DPH6: variants seen among roughly 807,000 people sequenced by gnomAD.
DPH6 encodes diphthine--ammonia ligase.
DPH6 carries 33 observed loss-of-function variants against 38.2 expected under a neutral mutation model. The observed-to-expected ratio is 0.86, with a 90% CI of 0.65 to 1.15. DPH6 has a LOEUF of 1.15. Ranked by LOEUF, DPH6 falls within the 50% of genes most tolerant of loss-of-function variation. The probability of loss-of-function intolerance (pLI) is 0.00; values close to 1 mark genes in which losing one functional copy is unlikely to be tolerated. For synonymous variants in DPH6, 108 were observed against 103.0 expected (o/e 1.05, Z -0.30); for missense variants, 325 against 320.0 (o/e 1.02, Z -0.12).
chr15:35,372,673 A>C (rs2052728712), intron 8 of DPH6, among the ~76,000 whole-genome samples: 1 of 151,884 alleles, frequency 6.6e-6, no homozygotes, highest in Non-Finnish European at 1.5e-5. Context: ...ACTGGCACCT[A>C]TAATTATCCT....
intron 3 of DPH6, among the ~76,000 whole-genome samples, chr15:35,487,655 G>A (rs573592750): frequency 1.3e-5 from 2 of 152,312 alleles, no homozygotes; most frequent in East Asian, 3.9e-4. Flanking sequence ...TGTGATGGGA[G>A]GGGCTGCTGT....
At chr15:35,223,562 T>G (rs2051457111) in intron 3 of DPH6, among the ~76,000 whole-genome samples, 1 of 152,054 alleles carries the variant, frequency 6.6e-6, no homozygotes, top group Non-Finnish European at 1.5e-5. Flanking sequence ...GGTGGACGCC[T>G]GTAGTCCCAG....
intron 3 of DPH6, among the ~76,000 whole-genome samples, chr15:35,486,714 C>A (rs1253698121): frequency 6.6e-6 from 1 of 152,038 alleles, no homozygotes; most frequent in East Asian, 1.9e-4. Context: ...ATGTCCTTCT[C>A]ACATTTCAAA....
intron 5 of DPH6, among the ~76,000 whole-genome samples, chr15:35,433,955 T>G (rs1339214906): frequency 1.3e-5 from 2 of 152,192 alleles, no homozygotes; most frequent in Non-Finnish European, 2.9e-5. Flanking sequence ...GAGGTAGAGA[T>G]ATCTTTATGT....
intron 3 of DPH6, chr15:35,365,694 T>G (rs762610393): frequency 6.2e-6 from 5 of 801,560 alleles, no homozygotes; most frequent in Non-Finnish European, 7.6e-6. Context: ...CCCAGTTTGA[T>G]TCCCAACACA....
intron 3 of DPH6, among the ~76,000 whole-genome samples, chr15:35,274,011 G>C (rs1381799709): frequency 6.6e-6 from 1 of 152,132 alleles, no homozygotes; most frequent in Non-Finnish European, 1.5e-5. Flanking sequence ...TATACTATAA[G>C]GCTTCAGTAA....
the DPH6 span, among the ~76,000 whole-genome samples, chr15:35,153,081 T>C: frequency 2.6e-5 from 4 of 152,202 alleles, no homozygotes; most frequent in Non-Finnish European, 5.9e-5. Flanking sequence ...AAGATTAATA[T>C]TTTATGATGT....
At chr15:35,418,715 T>C (rs2053466472) in intron 5 of DPH6, among the ~76,000 whole-genome samples, 1 of 152,092 alleles carries the variant, frequency 6.6e-6, no homozygotes, top group Non-Finnish European at 1.5e-5. Flanking sequence ...AACCCTACAA[T>C]GTTATGCTCC....
chr15:35,308,090 G>A (rs2052108479), intron 3 of DPH6, among the ~76,000 whole-genome samples: 1 of 152,058 alleles, frequency 6.6e-6, no homozygotes, highest in East Asian at 1.9e-4. Context: ...TGGGCAACAT[G>A]GTGAAACCTC....
At chr15:35,311,356 A>C (rs1156355727) in intron 3 of DPH6, among the ~76,000 whole-genome samples, 1 of 152,194 alleles carries the variant, frequency 6.6e-6, no homozygotes, top group Non-Finnish European at 1.5e-5. Context: ...CTACATCTCC[A>C]CAAGTGGTTA....
At chr15:35,464,547 G>C (rs1328112794) in intron 3 of DPH6, among the ~76,000 whole-genome samples, 2 of 151,990 alleles carry the variant, frequency 1.3e-5, no homozygotes, top group Non-Finnish European at 2.9e-5. Context: ...TATAAAATCT[G>C]ACAAATATTT....
the DPH6 span, among the ~76,000 whole-genome samples, chr15:35,190,542 G>A: frequency 6.6e-6 from 1 of 152,204 alleles, no homozygotes; most frequent in Non-Finnish European, 1.5e-5. Flanking sequence ...GGAACGCAGG[G>A]TCTTCAAAGT....
At chr15:35,260,261 T>C (rs138873285) in intron 3 of DPH6, among the ~76,000 whole-genome samples, 2 of 152,060 alleles carry the variant, frequency 1.3e-5, no homozygotes, top group Non-Finnish European at 1.5e-5. Context: ...GCACCTGCCA[T>C]CACGCCCAGC....
intron 3 of DPH6, among the ~76,000 whole-genome samples, chr15:35,339,385 C>A (rs528681512): frequency 2.0e-5 from 3 of 151,842 alleles, no homozygotes; most frequent in East Asian, 1.9e-4. Context: ...AGTGCAGTGG[C>A]GTGATCTCGA....
In DPH6 at chr15:35,462,889, C is replaced by A. The variant is rs951275009; in HGVS notation, c.313-8069G>T. On this transcript the variant is annotated intron_variant, in intron 3 of 8. Coordinates refer to ENST00000256538, the MANE Select transcript of DPH6 (RefSeq NM_080650.4). ...TGGACTACATAAAATTACAGTATTT[C>A]TGTACTTAAACAATGACCTAAAACA... Among the ~76,000 whole-genome samples the A allele has an allele frequency of 3.3e-5, 5 of 151,986 alleles. No homozygotes were observed. The East Asian group carries it at 9.6e-4, about 29-fold the overall frequency.
At chr15:35,436,766 T>TC (rs200766696) in intron 5 of DPH6, among the ~76,000 whole-genome samples, 2 of 151,044 alleles carry the variant, frequency 1.3e-5, no homozygotes, top group Non-Finnish European at 1.5e-5. Flanking sequence ...TTTTTTTTTT[T>TC]CTTTTCTCCA....
At chr15:35,151,633 TCTGA>T in the DPH6 span, among the ~76,000 whole-genome samples, 7 of 152,188 alleles carry the variant, frequency 4.6e-5, no homozygotes, top group South Asian at 2.1e-4. Flanking sequence ...ATGGTCTCAG[TCTGA>T]CTGAGTGTGG....
chr15:35,476,237 T>C (rs1253942920), intron 3 of DPH6, among the ~76,000 whole-genome samples: 4 of 151,842 alleles, frequency 2.6e-5, no homozygotes, highest in African/African-American at 4.8e-5. Flanking sequence ...TCCTAATTTC[T>C]CTGGATCTCA....
chr15:35,440,355 A>G (rs932905751), intron 5 of DPH6, among the ~76,000 whole-genome samples: 2 of 152,112 alleles, frequency 1.3e-5, no homozygotes, highest in African/African-American at 2.4e-5. Context: ...GGATTTAAAA[A>G]CTGTCCTTAC....
Sources: allele counts gnomAD v4.1 joint callset (sites outside exome capture counted in the v4.1 genomes callset), GRCh38; gene constraint gnomAD v4.1.1; transcripts MANE v1.5; gene names NCBI Gene and HGNC (gene_info 2026-07-23, HGNC 2026-07-21).